The following CACNA2D1 variants were observed in gnomAD, a reference collection of about 807,000 sequenced individuals.
CACNA2D1 encodes the protein voltage-dependent calcium channel subunit alpha-2/delta-1.
CACNA2D1 carries 53 observed loss-of-function variants against 171.5 expected under a neutral mutation model. The observed-to-expected ratio is 0.31, with a 90% CI of 0.25 to 0.39. CACNA2D1 has a LOEUF of 0.39. Ranked by LOEUF, CACNA2D1 falls within the 10% of genes least tolerant of loss-of-function variation. The pLI is 1.00. For missense variants in CACNA2D1, 903 were observed against 1,299.8 expected (o/e 0.69, Z 4.69); for synonymous variants, 442 against 443.1 (o/e 1.00, Z 0.03).
intron 5 of CACNA2D1, among the ~76,000 whole-genome samples, chr7:82,125,400 G>T (rs1057247222): frequency 6.6e-6 from 1 of 152,168 alleles, no homozygotes; most frequent in Non-Finnish European, 1.5e-5. Context: ...TGAGGAATTT[G>T]CTTCACTAAT....
chr7:81,982,951 T>C (rs531778628), intron 23 of CACNA2D1, among the ~76,000 whole-genome samples: 3 of 152,262 alleles, frequency 2.0e-5, no homozygotes, highest in South Asian at 4.1e-4. Flanking sequence ...ACCAGAGGTA[T>C]TTTAAAGACC....
intron 3 of CACNA2D1, among the ~76,000 whole-genome samples, chr7:82,227,232 G>C (rs1476319731): frequency 6.6e-6 from 1 of 152,152 alleles, no homozygotes; most frequent in Non-Finnish European, 1.5e-5. Flanking sequence ...AAGTCTTCAA[G>C]GTTGGGAAGA....
At chr7:82,308,835 AT>A (rs1450428533) in intron 3 of CACNA2D1, among the ~76,000 whole-genome samples, 8 of 152,168 alleles carry the variant, frequency 5.3e-5, no homozygotes, top group African/African-American at 1.9e-4. Flanking sequence ...TGAGACAGAA[AT>A]TTTCTCTCTT....
chr7:82,273,290 A>G (rs1442944046), intron 3 of CACNA2D1, among the ~76,000 whole-genome samples: 1 of 151,936 alleles, frequency 6.6e-6, no homozygotes, highest in African/African-American at 2.4e-5. Flanking sequence ...ATTTATGCTA[A>G]GGAAATAAGA....
chr7:82,437,568 T>C (rs1374197611), intron 1 of CACNA2D1, among the ~76,000 whole-genome samples: 1 of 152,182 alleles, frequency 6.6e-6, no homozygotes, highest in Non-Finnish European at 1.5e-5. Context: ...CACATTCATA[T>C]TCAAAGAGAA....
intron 3 of CACNA2D1, among the ~76,000 whole-genome samples, chr7:82,307,520 T>C (rs1371336763): frequency 1.3e-5 from 2 of 150,262 alleles, no homozygotes; most frequent in Non-Finnish European, 3.0e-5. Flanking sequence ...AAAATAATTA[T>C]ATAATTTATA....
intron 2 of CACNA2D1, among the ~76,000 whole-genome samples, chr7:82,344,235 G>A (rs1379118576): frequency 1.3e-5 from 2 of 152,152 alleles, no homozygotes; most frequent in Non-Finnish European, 2.9e-5. Context: ...ACCATCCCAT[G>A]CCCTGAGTTA....
chr7:82,194,473 A>C (rs1285937848), intron 3 of CACNA2D1, among the ~76,000 whole-genome samples: 1 of 151,982 alleles, frequency 6.6e-6, no homozygotes, highest in Non-Finnish European at 1.5e-5. Context: ...ACCAAGCAAG[A>C]GTTGAAGTAG....
intron 3 of CACNA2D1, among the ~76,000 whole-genome samples, chr7:82,314,258 T>C (rs998967277): frequency 6.6e-6 from 1 of 152,162 alleles, no homozygotes; most frequent in Non-Finnish European, 1.5e-5. Flanking sequence ...AAGGAAAAAA[T>C]GAAGTTATAT....
intron 1 of CACNA2D1, among the ~76,000 whole-genome samples, chr7:82,393,010 A>G (rs948570838): frequency 6.7e-6 from 1 of 149,812 alleles, no homozygotes; most frequent in Admixed American, 6.9e-5. Flanking sequence ...ATTCAAATAC[A>G]ATAATAAAGA....
intron 3 of CACNA2D1, among the ~76,000 whole-genome samples, chr7:82,233,699 C>A (rs1803217175): frequency 6.6e-6 from 1 of 152,018 alleles, no homozygotes; most frequent in Non-Finnish European, 1.5e-5. Context: ...ACTCTTACAA[C>A]CACATCAAAA....
At chr7:82,203,758 T>C (rs1799725155) in intron 3 of CACNA2D1, among the ~76,000 whole-genome samples, 1 of 152,212 alleles carries the variant, frequency 6.6e-6, no homozygotes, top group Admixed American at 6.5e-5. Context: ...CATTATTCAT[T>C]GACAGAGAAG....
At chr7:82,399,028 G>C (rs548989396) in intron 1 of CACNA2D1, among the ~76,000 whole-genome samples, 89 of 151,676 alleles carry the variant, frequency 5.9e-4, no homozygotes, top group South Asian at 1.9e-3. Flanking sequence ...TTCTACATTT[G>C]AATCACCAAT....
chr7:82,245,666 A>T (rs1253593952), intron 3 of CACNA2D1, among the ~76,000 whole-genome samples: 1 of 112,346 alleles, frequency 8.9e-6, no homozygotes, highest in Non-Finnish European at 1.9e-5. Flanking sequence ...TCTCTCTCAC[A>T]CACACACACA....
At chr7:81,964,683 G>T (rs1794513060) in intron 32 of CACNA2D1, among the ~76,000 whole-genome samples, 1 of 151,810 alleles carries the variant, frequency 6.6e-6, no homozygotes, top group South Asian at 2.1e-4. Context: ...AAGTGGAAGG[G>T]TACAAAGAAG....
In CACNA2D1 at chr7:81,962,344, T is replaced by C. The variant is rs1794236557; in HGVS notation, c.2836+96A>G. The C allele has an allele frequency of 4.3e-6, 4 of 923,900 alleles. No homozygotes were observed. The Admixed American group carries it at 8.4e-5, about 19-fold the overall frequency. The allele number at this position is 923,900 out of a possible 1,614,324, so 57.2% of individuals were successfully genotyped here. On this transcript the variant is annotated intron_variant, in intron 35 of 38. Coordinates refer to ENST00000356860, the MANE Select transcript of CACNA2D1 (RefSeq NM_000722.4). The stretch of plus-strand genomic sequence containing the variant: ...TGAGATGGGTGACCTGTTTTCTCTT[T>C]CACACAAATATTCTCTGAATTTGTT...
intron 3 of CACNA2D1, among the ~76,000 whole-genome samples, chr7:82,202,007 C>T (rs961566501): frequency 1.3e-5 from 2 of 152,274 alleles, no homozygotes; most frequent in Non-Finnish European, 2.9e-5. Context: ...GGATGGGCCA[C>T]GGTCAAGAAC....
intron 3 of CACNA2D1, among the ~76,000 whole-genome samples, chr7:82,211,330 T>C (rs746121618): frequency 2.0e-5 from 3 of 152,148 alleles, no homozygotes; most frequent in African/African-American, 4.8e-5. Flanking sequence ...CACTACCCAA[T>C]TGGTAGCTTT....
rs187994156 is a variant in CACNA2D1, at chr7:82,235,630, T to C, written c.295-65021A>G. 4.2e-4 allele frequency among the ~76,000 whole-genome samples: 64 copies of C among 152,284 alleles called. No individual in the cohort carries two copies. In the East Asian group the frequency reaches 9.4e-3, roughly 22 times the overall value. On this transcript the variant is annotated intron_variant, in intron 3 of 38. Transcript: ENST00000356860. The stretch of plus-strand genomic sequence containing the variant: ...TTTTAACAATATTGATGCAAGTTCT[T>C]AGACTCTTCTAATTTTAAAATTTCA...
Sources: gnomAD v4.1 joint callset for allele counts (sites outside exome capture counted in the v4.1 genomes callset) on GRCh38, gnomAD v4.1.1 for gene constraint, MANE v1.5 for transcripts, NCBI Gene and HGNC (gene_info 2026-07-23, HGNC 2026-07-21) for gene names.